Variants in LARGE1 observed in about 807,000 individuals in gnomAD.
The protein encoded by LARGE1 is LARGE xylosyl- and glucuronyltransferase 1.
LARGE1 carries 43 observed loss-of-function variants against 87.6 expected under a neutral mutation model. The observed-to-expected ratio is 0.49, with a 90% CI of 0.38 to 0.63. The LOEUF is 0.63. Ranked by LOEUF, LARGE1 falls within the 30% of genes least tolerant of loss-of-function variation. LARGE1 has a pLI of 0.00. For missense variants in LARGE1, 802 were observed against 1,000.2 expected (o/e 0.80, Z 2.67); for synonymous variants, 434 against 394.6 (o/e 1.10, Z -1.18).
chr22:33,794,915 C>T (rs5754673), intron 1 of LARGE1, among the ~76,000 whole-genome samples: 2 of 110,280 alleles, frequency 1.8e-5, no homozygotes, highest in African/African-American at 2.6e-5. Context: ...TCACCGTGCC[C>T]GGCCTTAAAA....
At chr22:33,104,889 C>CTCTTTCTTTCTTTCTTTCTT in the LARGE1 span, among the ~76,000 whole-genome samples, 12 of 89,148 alleles carry the variant, frequency 1.3e-4, no homozygotes, top group Non-Finnish European at 1.6e-4. Flanking sequence ...GACTTTCTCT[C>CTCTTTCTTTCTTTCTTTCTT]TCTTTCTTTC....
intron 7 of LARGE1, among the ~76,000 whole-genome samples, chr22:33,392,354 T>C (rs1031439544): frequency 6.6e-6 from 1 of 151,986 alleles, no homozygotes; most frequent in Non-Finnish European, 1.5e-5. Flanking sequence ...AAGGTGATTG[T>C]GAGGAACAAA....
chr22:33,667,792 A>T (rs543559562), intron 2 of LARGE1, among the ~76,000 whole-genome samples: 12 of 152,210 alleles, frequency 7.9e-5, no homozygotes, highest in Non-Finnish European at 1.6e-4. Context: ...ACATGCATTT[A>T]TTGGACAATT....
intron 9 of LARGE1, among the ~76,000 whole-genome samples, chr22:33,361,004 C>T (rs1340664030): frequency 6.7e-6 from 1 of 149,058 alleles, no homozygotes; most frequent in Admixed American, 6.6e-5. Context: ...ATCACGAGGT[C>T]GGGAGTTCAA....
At chr22:33,160,220 T>C (rs574461055), downstream of LARGE1, among the ~76,000 whole-genome samples, 2 of 152,328 alleles carry the variant, frequency 1.3e-5, no homozygotes, top group South Asian at 4.1e-4. Context: ...TCTCTCTTGG[T>C]TTTAGTGGGA....
chr22:33,408,882 C>G (rs947108781), intron 7 of LARGE1, among the ~76,000 whole-genome samples: 1 of 152,104 alleles, frequency 6.6e-6, no homozygotes, highest in Admixed American at 6.5e-5. Context: ...ATTCGCCCGG[C>G]CACTCCAACT....
chr22:33,239,044 T>A (rs1926382254), intron 11 of LARGE1, among the ~76,000 whole-genome samples: 1 of 150,708 alleles, frequency 6.6e-6, no homozygotes, highest in African/African-American at 2.4e-5. Flanking sequence ...ACAAATAAAT[T>A]AAAACTTTGG....
chr22:33,494,582 T>G (rs1219565404), intron 6 of LARGE1, among the ~76,000 whole-genome samples: 1 of 152,194 alleles, frequency 6.6e-6, no homozygotes, highest in Non-Finnish European at 1.5e-5. Flanking sequence ...ATCTGTATAT[T>G]TTAAATGGTT....
chr22:33,904,972 G>C (rs1601887616), intron 1 of LARGE1, among the ~76,000 whole-genome samples: 1 of 151,032 alleles, frequency 6.6e-6, no homozygotes, highest in Non-Finnish European at 1.5e-5. Flanking sequence ...AAGGGTCTAT[G>C]GCAGAAATCA....
chr22:33,487,807 C>A (rs1480674934), intron 6 of LARGE1, among the ~76,000 whole-genome samples: 4 of 152,160 alleles, frequency 2.6e-5, no homozygotes, highest in Non-Finnish European at 5.9e-5. Context: ...ACCTCTTGGG[C>A]ACTTGATGTT....
At chr22:33,677,931 T>C (rs2081631421) in intron 2 of LARGE1, among the ~76,000 whole-genome samples, 2 of 152,182 alleles carry the variant, frequency 1.3e-5, no homozygotes, top group South Asian at 4.2e-4. Context: ...ATGCAGGAGC[T>C]AGAGACAAAG....
At chr22:33,239,535 CTTTTTT>C (rs71187254) in intron 11 of LARGE1, among the ~76,000 whole-genome samples, 6 of 95,314 alleles carry the variant, frequency 6.3e-5, no homozygotes, top group Non-Finnish European at 1.2e-4. Flanking sequence ...TTTTTCTTTT[CTTTTTT>C]TTTTTTTTTT....
At chr22:33,100,731 G>A in the LARGE1 span, among the ~76,000 whole-genome samples, 1 of 152,136 alleles carries the variant, frequency 6.6e-6, no homozygotes, top group Admixed American at 6.5e-5. Flanking sequence ...GTGATCCGAT[G>A]CTGCTGGTTC....
In LARGE1 at chr22:33,537,215, G is replaced by A. The variant is rs573219217; in HGVS notation, c.787+27633C>T. Among the ~76,000 whole-genome samples, 7 of 152,332 alleles carry A rather than the reference G, an allele frequency of 4.6e-5. No individual in the cohort carries two copies. The South Asian group carries it at 8.3e-4, about 18-fold the overall frequency. On this transcript the variant is annotated intron_variant, in intron 6 of 14. Coordinates refer to ENST00000397394, the MANE Select transcript of LARGE1 (RefSeq NM_133642.5). ...ACACGTTTGTTCTCTGACAGTTCTG[G>A]AGGTCAGAAAGCCTGAAATCAGTCT... is the stretch of plus-strand genomic sequence containing the variant.
the LARGE1 span, among the ~76,000 whole-genome samples, chr22:33,080,839 T>A: frequency 2.6e-5 from 4 of 152,220 alleles, no homozygotes; most frequent in African/African-American, 4.8e-5. Context: ...CGGTTCAGTT[T>A]ACCCATCTGT....
At chr22:33,356,962 T>A (rs1041032180) in intron 9 of LARGE1, among the ~76,000 whole-genome samples, 2 of 152,186 alleles carry the variant, frequency 1.3e-5, no homozygotes, top group African/African-American at 4.8e-5. Context: ...CATGGAGATT[T>A]CTCAAAGAAC....
At chr22:33,275,683 A>C (rs969930898) in intron 14 of LARGE1, among the ~76,000 whole-genome samples, 1 of 152,248 alleles carries the variant, frequency 6.6e-6, no homozygotes, top group Non-Finnish European at 1.5e-5. Flanking sequence ...GAAAAGGTTA[A>C]GAGTATGTCT....
At chr22:33,114,516 A>T in the LARGE1 span, among the ~76,000 whole-genome samples, 1 of 152,226 alleles carries the variant, frequency 6.6e-6, no homozygotes, top group Non-Finnish European at 1.5e-5. Context: ...ACAGCTCTTA[A>T]CTTCTATTTG....
intron 1 of LARGE1, among the ~76,000 whole-genome samples, chr22:33,919,204 A>C (rs1367682534): frequency 1.3e-5 from 2 of 152,162 alleles, no homozygotes; most frequent in Non-Finnish European, 2.9e-5. Flanking sequence ...TGACCCATTT[A>C]AAATCAGATT....
Sources: allele counts gnomAD v4.1 joint callset (sites outside exome capture counted in the v4.1 genomes callset), GRCh38; gene constraint gnomAD v4.1.1; transcripts MANE v1.5; gene names NCBI Gene and HGNC (gene_info 2026-07-23, HGNC 2026-07-21).